RHBDD1: variants seen among roughly 807,000 people sequenced by gnomAD.
RHBDD1 encodes the protein rhomboid-related protein 4.
Under a neutral mutation model 36.3 loss-of-function variants are expected in RHBDD1, and 38 were observed. That is an observed-to-expected ratio of 1.05 (90% CI 0.81 to 1.37). The LOEUF is 1.37. RHBDD1 is among the 40% of genes most tolerant of loss of function. RHBDD1 has a pLI of 0.00. For missense variants in RHBDD1, 393 were observed against 377.6 expected (o/e 1.04, Z -0.34); for synonymous variants, 151 against 136.5 (o/e 1.11, Z -0.74).
the RHBDD1 span, among the ~76,000 whole-genome samples, chr2:226,818,129 G>A: frequency 6.8e-6 from 1 of 147,850 alleles, no homozygotes; most frequent in Middle Eastern, 3.3e-3. Flanking sequence ...TCCATCTATA[G>A]TCTTTTAAGT....
the RHBDD1 span, among the ~76,000 whole-genome samples, chr2:226,816,229 G>T: frequency 6.6e-6 from 1 of 152,014 alleles, no homozygotes; most frequent in African/African-American, 2.4e-5. Context: ...TGCTGACTTA[G>T]GCTAGGCAGT....
chr2:226,880,068 A>T (rs576600100), intron 5 of RHBDD1, among the ~76,000 whole-genome samples: 2 of 152,304 alleles, frequency 1.3e-5, no homozygotes, highest in Admixed American at 6.5e-5. Flanking sequence ...ATTGTCAAGG[A>T]TGAGCATTTT....
chr2:226,980,310 G>A (rs1490232183), intron 8 of RHBDD1, among the ~76,000 whole-genome samples: 3 of 152,068 alleles, frequency 2.0e-5, no homozygotes, highest in Admixed American at 6.5e-5. Flanking sequence ...CCCTACTCTC[G>A]TTCCCCACCA....
the RHBDD1 span, among the ~76,000 whole-genome samples, chr2:226,800,911 C>T: frequency 6.6e-6 from 1 of 152,220 alleles, no homozygotes; most frequent in Non-Finnish European, 1.5e-5. Flanking sequence ...TGAAGCGCCC[C>T]TTTCAGGGTC....
intron 5 of RHBDD1, among the ~76,000 whole-genome samples, chr2:226,868,652 G>C (rs1944534104): frequency 6.6e-6 from 1 of 152,158 alleles, no homozygotes; most frequent in Admixed American, 6.5e-5. Flanking sequence ...TTGTGTGACT[G>C]TGCTGGGTGT....
At chr2:226,989,403 G>A (rs1559358605) in intron 8 of RHBDD1, among the ~76,000 whole-genome samples, 1 of 152,182 alleles carries the variant, frequency 6.6e-6, no homozygotes, top group Non-Finnish European at 1.5e-5. Flanking sequence ...ACTGGAAGGG[G>A]GCTTGTGGTG....
intron 8 of RHBDD1, among the ~76,000 whole-genome samples, chr2:226,958,896 C>T (rs1951982428): frequency 6.6e-6 from 1 of 151,994 alleles, no homozygotes; most frequent in African/African-American, 2.4e-5. Context: ...ATTTTTTCTT[C>T]CCCTTCTGCT....
chr2:226,920,739 A>G (rs927769342), intron 8 of RHBDD1, among the ~76,000 whole-genome samples: 10 of 152,186 alleles, frequency 6.6e-5, no homozygotes, highest in African/African-American at 2.2e-4. Flanking sequence ...CCAAATGGTC[A>G]TAATGAATGA....
At chr2:226,823,259 G>C in the RHBDD1 span, among the ~76,000 whole-genome samples, 3 of 152,132 alleles carry the variant, frequency 2.0e-5, no homozygotes, top group Admixed American at 1.3e-4. Context: ...TCTTGATCTT[G>C]GACTTCTCAG....
intron 5 of RHBDD1, among the ~76,000 whole-genome samples, chr2:226,872,811 A>G (rs1021598824): frequency 2.0e-5 from 3 of 152,176 alleles, no homozygotes; most frequent in African/African-American, 7.2e-5. Context: ...ACACTTTCTG[A>G]TGTGATTTGC....
chr2:226,895,389 G>A (rs1028711963), intron 5 of RHBDD1, among the ~76,000 whole-genome samples: 5 of 152,294 alleles, frequency 3.3e-5, no homozygotes, highest in Admixed American at 6.5e-5. Flanking sequence ...AGGTTGGGGT[G>A]TGGGTGGGAA....
intron 5 of RHBDD1, chr2:226,867,648 A>G (rs1944451011): frequency 2.0e-6 from 2 of 984,930 alleles, no homozygotes; most frequent in Admixed American, 1.2e-4. Context: ...CCAAAGAAGC[A>G]CATAGAAACC....
At chr2:226,959,215 T>C (rs1309931416) in intron 8 of RHBDD1, among the ~76,000 whole-genome samples, 8 of 152,204 alleles carry the variant, frequency 5.3e-5, no homozygotes, top group Admixed American at 5.2e-4. Flanking sequence ...TCAAGTGAGA[T>C]GGTGTTTAAG....
intron 8 of RHBDD1, among the ~76,000 whole-genome samples, chr2:226,941,563 C>T (rs925500467): frequency 1.3e-5 from 2 of 152,206 alleles, no homozygotes; most frequent in Non-Finnish European, 2.9e-5. Flanking sequence ...CACCTGAATT[C>T]CAAGTAGTCC....
intron 8 of RHBDD1, among the ~76,000 whole-genome samples, chr2:226,931,401 A>C (rs1950023379): frequency 6.6e-6 from 1 of 152,120 alleles, no homozygotes; most frequent in Non-Finnish European, 1.5e-5. Flanking sequence ...TAGAAAACCA[A>C]ATACCATATG....
Position 226,865,080 on chromosome 2 carries a change from T to C in RHBDD1, c.387T>C (p.Phe129=), listed in dbSNP as rs1389971368. The change falls in exon 4 of 9, where the codon TTT becomes TTC. Residue 129 remains phenylalanine (F), a synonymous_variant. Coordinates refer to ENST00000392062, the MANE Select transcript of RHBDD1 (RefSeq NM_001167608.3). ...YLLLQFAVAE[F]MDEPDFKRSC... ...TCTTGCAATTTGCTGTTGCCGAATT[T>C]ATGGATGAACCTGACTTCAAAAGGA... 6.2e-7 allele frequency: 1 copy of C among 1,614,130 alleles called. No individual in the cohort carries two copies.
At chr2:226,972,268 G>T (rs10173032) in intron 8 of RHBDD1, among the ~76,000 whole-genome samples, 76,155 of 151,968 alleles carry the variant, frequency 0.5, 20,120 homozygotes, top group African/African-American at 0.69. Context: ...TCATTCTTTT[G>T]TATGGCTGCA....
chr2:226,942,256 T>G (rs78716843), intron 8 of RHBDD1, among the ~76,000 whole-genome samples: 2 of 151,686 alleles, frequency 1.3e-5, no homozygotes, highest in African/African-American at 2.4e-5. Flanking sequence ...TTTTTTTTTT[T>G]GAGACAGAGT....
chr2:226,855,234 A>G (rs532173881), intron 3 of RHBDD1, among the ~76,000 whole-genome samples: 3 of 152,362 alleles, frequency 2.0e-5, no homozygotes, highest in East Asian at 1.9e-4. Context: ...GAGCTTGGGT[A>G]TGGTGGCTCA....
Sources: gnomAD v4.1 joint callset for allele counts (sites outside exome capture counted in the v4.1 genomes callset) on GRCh38, gnomAD v4.1.1 for gene constraint, MANE v1.5 for transcripts, NCBI Gene and HGNC (gene_info 2026-07-23, HGNC 2026-07-21) for gene names.